FGF14: variants seen among roughly 807,000 people sequenced by gnomAD.
The protein encoded by FGF14 is fibroblast growth factor 14, also known as fibroblast growth factor homologous factor 4.
In FGF14, 5 loss-of-function variants were observed where a neutral mutation model predicts 25.5. The ratio of observed to expected loss-of-function variants is 0.20; its 90% CI spans 0.10 to 0.41. The LOEUF (loss-of-function observed/expected upper bound fraction) is 0.41. Ranked by LOEUF, FGF14 falls within the 10% of genes least tolerant of loss-of-function variation. The pLI is 1.00. For missense variants in FGF14, 222 were observed against 320.1 expected (o/e 0.69, Z 2.34); for synonymous variants, 138 against 118.3 (o/e 1.17, Z -1.08).
At chr13:101,984,305 A>C (rs988987590) in intron 1 of FGF14, among the ~76,000 whole-genome samples, 4 of 152,190 alleles carry the variant, frequency 2.6e-5, no homozygotes, top group Non-Finnish European at 4.4e-5. Flanking sequence ...AATTGGTTTT[A>C]GTAGTCTTAA....
At chr13:102,231,741 T>C (rs1442557733) in intron 1 of FGF14, among the ~76,000 whole-genome samples, 1 of 152,114 alleles carries the variant, frequency 6.6e-6, no homozygotes, top group Non-Finnish European at 1.5e-5. Flanking sequence ...AAGAGGACAG[T>C]CTGAATTCAG....
intron 3 of FGF14, among the ~76,000 whole-genome samples, chr13:101,859,117 G>GT (rs2044277357): frequency 6.6e-6 from 1 of 152,042 alleles, no homozygotes; most frequent in South Asian, 2.1e-4. Context: ...AATTTTTTCA[G>GT]CGGGGAAAAA....
chr13:101,872,530 T>C (rs922183734), intron 2 of FGF14, among the ~76,000 whole-genome samples: 1 of 151,960 alleles, frequency 6.6e-6, no homozygotes, highest in African/African-American at 2.4e-5. Context: ...CATGAGACTA[T>C]TGAAATGAAC....
intron 1 of FGF14, among the ~76,000 whole-genome samples, chr13:102,061,627 G>A (rs1234870343): frequency 1.3e-5 from 2 of 152,152 alleles, no homozygotes; most frequent in Non-Finnish European, 2.9e-5. Flanking sequence ...AAATGACCAC[G>A]ACATTTTCCA....
chr13:102,137,353 A>G (rs982953946), intron 1 of FGF14, among the ~76,000 whole-genome samples: 2 of 152,232 alleles, frequency 1.3e-5, no homozygotes, highest in African/African-American at 4.8e-5. Flanking sequence ...TATACTCCGG[A>G]CAAGCAAATA....
intron 1 of FGF14, among the ~76,000 whole-genome samples, chr13:101,939,576 A>G (rs1287144083): frequency 2.0e-5 from 3 of 152,220 alleles, no homozygotes; most frequent in Non-Finnish European, 4.4e-5. Flanking sequence ...GCGAAATCCT[A>G]AAATGCACCA....
intron 1 of FGF14, among the ~76,000 whole-genome samples, chr13:101,927,753 C>A (rs1343922833): frequency 2.6e-5 from 4 of 152,142 alleles, no homozygotes; most frequent in African/African-American, 9.7e-5. Context: ...CTCCGGGGAT[C>A]ATTTCTTTGA....
At chr13:102,334,308 G>A (rs998798595) in intron 1 of FGF14, among the ~76,000 whole-genome samples, 12 of 152,098 alleles carry the variant, frequency 7.9e-5, no homozygotes, top group East Asian at 3.9e-4. Flanking sequence ...GGTAGATTCC[G>A]TGAGTCAAGA....
chr13:101,940,518 G>A (rs1304706237), intron 1 of FGF14, among the ~76,000 whole-genome samples: 1 of 152,156 alleles, frequency 6.6e-6, no homozygotes, highest in Non-Finnish European at 1.5e-5. Flanking sequence ...TGTACAAATT[G>A]CTTTTTTCTA....
rs960467902 is a variant in FGF14 at position 101,862,171 on chromosome 13, A to G, written c.408+6554T>C. Among the ~76,000 whole-genome samples, 4 of 152,206 alleles carry G rather than the reference A, an allele frequency of 2.6e-5. No homozygotes were observed. The East Asian group carries it at 5.8e-4, about 22-fold the overall frequency. ...CAGGAGTCAGGTGGATTCCAGGAACATGGTGGAGTAGGCAGAAAACAAGGT... is the reference window on the plus strand; with the variant it reads ...CAGGAGTCAGGTGGATTCCAGGAACGTGGTGGAGTAGGCAGAAAACAAGGT... On this transcript the variant is annotated intron_variant, in intron 3 of 4. Transcript: ENST00000376143.
intron 3 of FGF14, among the ~76,000 whole-genome samples, chr13:101,794,082 C>T (rs35145488): frequency 0.039 from 5,926 of 152,032 alleles, 187 homozygotes; most frequent in African/African-American, 0.069. Context: ...GGCTTCTGAC[C>T]ATATTCATTC....
chr13:102,056,762 T>C (rs921448125), intron 1 of FGF14, among the ~76,000 whole-genome samples: 5 of 149,834 alleles, frequency 3.3e-5, no homozygotes, highest in African/African-American at 1.2e-4. Context: ...TTTATATATA[T>C]GTAAAATATA....
chr13:101,961,635 T>C (rs1241772662), intron 1 of FGF14, among the ~76,000 whole-genome samples: 1 of 152,132 alleles, frequency 6.6e-6, no homozygotes, highest in Non-Finnish European at 1.5e-5. Context: ...TGGGAGCTAA[T>C]TGAATCATGG....
chr13:101,810,274 T>A (rs1346005285), intron 3 of FGF14, among the ~76,000 whole-genome samples: 1 of 152,236 alleles, frequency 6.6e-6, no homozygotes, highest in African/African-American at 2.4e-5. Flanking sequence ...TTTTATTTAT[T>A]TATGTATTTA....
chr13:101,897,236 C>T (rs1478758240), intron 1 of FGF14, among the ~76,000 whole-genome samples: 1 of 152,142 alleles, frequency 6.6e-6, no homozygotes, highest in African/African-American at 2.4e-5. Flanking sequence ...CATGCATTAT[C>T]TCATTCAAGT....
intron 1 of FGF14, among the ~76,000 whole-genome samples, chr13:101,894,628 CA>C (rs1289063112): frequency 6.6e-6 from 1 of 152,172 alleles, no homozygotes; most frequent in Non-Finnish European, 1.5e-5. Context: ...AACATATACC[CA>C]CTGACAGATT....
intron 1 of FGF14, among the ~76,000 whole-genome samples, chr13:101,968,372 A>T (rs1295666363): frequency 6.6e-6 from 1 of 152,136 alleles, no homozygotes; most frequent in Non-Finnish European, 1.5e-5. Flanking sequence ...TACTGAACAC[A>T]TTAAAAAAAA....
intron 1 of FGF14, among the ~76,000 whole-genome samples, chr13:102,396,075 C>CCTT (rs2058575540): frequency 6.6e-6 from 1 of 152,092 alleles, no homozygotes; most frequent in South Asian, 2.1e-4. Context: ...AACTCCATGC[C>CCTT]CTTCAGTACC....
chr13:102,142,880 C>CT (rs2046700302), intron 1 of FGF14, among the ~76,000 whole-genome samples: 1 of 152,264 alleles, frequency 6.6e-6, no homozygotes, highest in Admixed American at 6.5e-5. Flanking sequence ...AGCTTAGTCC[C>CT]TTCCAATGTT....
Sources: gnomAD v4.1 joint callset for allele counts (sites outside exome capture counted in the v4.1 genomes callset) on GRCh38, gnomAD v4.1.1 for gene constraint, MANE v1.5 for transcripts, NCBI Gene and HGNC (gene_info 2026-07-23, HGNC 2026-07-21) for gene names.